The following REL variants were observed in gnomAD, a reference collection of about 807,000 sequenced individuals.
REL encodes proto-oncogene c-Rel.
REL carries 15 observed loss-of-function variants against 45.9 expected under a neutral mutation model. The observed-to-expected ratio is 0.33, with a 90% confidence interval of 0.22 to 0.50. The LOEUF (loss-of-function observed/expected upper bound fraction) is 0.50, where lower values mean the gene tolerates loss of function less well. Among genes scored for constraint, REL ranks in the 20% least tolerant of loss-of-function variants. The probability of loss-of-function intolerance (pLI) is 0.98; values close to 1 mark genes in which losing one functional copy is unlikely to be tolerated. For synonymous variants in REL, 239 were observed against 242.1 expected, an observed-to-expected ratio of 0.99 and a Z score of 0.12; for missense variants, 601 against 715.2, an observed-to-expected ratio of 0.84 and a Z score of 1.82.
At chr2:60,888,226 G>A (rs1673118294) in intron 1 of REL, among the ~76,000 whole-genome samples, 2 of 152,068 alleles carry the variant, frequency 1.3e-5, no homozygotes, top group African/African-American at 4.8e-5. Flanking sequence ...ACCATGCCCA[G>A]CCTCAGTGAA....
At chr2:60,904,063 T>C (rs1198879590) in intron 4 of REL, among the ~76,000 whole-genome samples, 3 of 152,000 alleles carry the variant, frequency 2.0e-5, no homozygotes, top group Non-Finnish European at 4.4e-5. Flanking sequence ...TTAATCCTTA[T>C]AACAGCCTAC....
chr2:60,905,183 C>T (rs996863115), intron 4 of REL, among the ~76,000 whole-genome samples: 11 of 152,222 alleles, frequency 7.2e-5, no homozygotes, highest in Admixed American at 3.9e-4. Flanking sequence ...CAAGCTCCGC[C>T]TCCCGGGTTC....
intron 1 of REL, among the ~76,000 whole-genome samples, chr2:60,883,793 T>C (rs1270521977): frequency 2.0e-5 from 3 of 151,830 alleles, no homozygotes; most frequent in African/African-American, 7.3e-5. Context: ...AAGGAGGAAA[T>C]GTTTAAAGAA....
intron 2 of REL, 48 bp downstream of exon 2, chr2:60,891,873 T>C (rs1673224762): frequency 1.3e-6 from 2 of 1,508,086 alleles, no homozygotes; most frequent in Non-Finnish European, 1.8e-6. Context: ...TTGCTTCATA[T>C]ACTAGCTATA....
In REL at chr2:60,922,283, C is replaced by G. The variant is rs779461916; in HGVS notation, c.1512C>G (p.Leu504=). ...TAGACCCAAGAGACTTGAGACAGCT[C>G]CATCAGATGTCCTCTTCCAGTATGT... ...SVLDPRDLRQ[L]HQMSSSSMSA... The change falls in exon 10 of 10, where the codon CTC becomes CTG. Residue 504 remains leucine (L), a synonymous_variant. Transcript: ENST00000394479. 3.7e-6 allele frequency: 6 copies of G among 1,613,998 alleles called. No homozygotes were observed. Among genetic ancestry groups the G allele is most frequent in the Non-Finnish European group, 4.2e-6 (5 of 1,180,002 alleles).
chr2:60,903,554 G>A (rs1673555803), intron 4 of REL, among the ~76,000 whole-genome samples: 1 of 150,218 alleles, frequency 6.7e-6, no homozygotes, highest in Non-Finnish European at 1.5e-5. Flanking sequence ...TTTTTTTTGA[G>A]ACAGAGTCTC....
intron 4 of REL, among the ~76,000 whole-genome samples, chr2:60,906,256 GAC>G (rs1408496613): frequency 2.0e-5 from 3 of 152,316 alleles, no homozygotes; most frequent in African/African-American, 7.2e-5. Flanking sequence ...TTTGGGTGGA[GAC>G]ACAGAGCCAA....
chr2:60,919,943 GA>G (rs1218908907), intron 7 of REL, 97 bp from the exon 8 acceptor site: 1 of 747,064 alleles, frequency 1.3e-6, no homozygotes. Context: ...CATATTTATT[GA>G]AAACATTTTC....
chr2:60,887,776 A>G (rs1323623439), intron 1 of REL, among the ~76,000 whole-genome samples: 1 of 151,620 alleles, frequency 6.6e-6, no homozygotes, highest in Non-Finnish European at 1.5e-5. Context: ...TAAATACTCA[A>G]TATTATATGA....
Position 60,923,919 on chromosome 2 carries a change from G to A in REL, c.*1384G>A, listed in dbSNP as rs1674208084. On this transcript the variant is annotated 3_prime_UTR_variant, in exon 10 of 10. Coordinates refer to ENST00000394479, the MANE Select transcript of REL (RefSeq NM_001291746.2). ...ATTCATTGGCTTCTCATCTCACTCA[G>A]AGCAGTCAAAGTCCTTAAAAGTTGC... 4.3e-6 allele frequency: 1 copy of A among 232,718 alleles called. No homozygotes were observed. The highest frequency in any genetic ancestry group is 8.5e-6 in the Non-Finnish European group (1 of 117,834). The allele number at this position is 232,718 out of a possible 1,614,324, so 14.4% of individuals were successfully genotyped here.
intron 4 of REL, among the ~76,000 whole-genome samples, chr2:60,910,164 A>G (rs909029416): frequency 4.0e-5 from 6 of 151,572 alleles, no homozygotes; most frequent in Non-Finnish European, 8.8e-5. Flanking sequence ...TAGATTAAAC[A>G]TTTAACATAA....
chr2:60,897,342 C>G (rs1209408894), intron 3 of REL, among the ~76,000 whole-genome samples: 1 of 147,324 alleles, frequency 6.8e-6, no homozygotes. Context: ...GAGCCTTGCT[C>G]TGTTGCCCAG....
chr2:60,912,534 A>G (rs1469683378), intron 4 of REL, among the ~76,000 whole-genome samples: 1 of 152,198 alleles, frequency 6.6e-6, no homozygotes, highest in Non-Finnish European at 1.5e-5. Flanking sequence ...CTTACTGTGT[A>G]TATAAGCAGA....
intron 4 of REL, among the ~76,000 whole-genome samples, chr2:60,909,840 T>G (rs1480314516): frequency 6.6e-6 from 1 of 151,624 alleles, no homozygotes; most frequent in Non-Finnish European, 1.5e-5. Context: ...GAGGCGGGGG[T>G]TGCAGTCAGC....
At position 60,891,790 on chromosome 2, in the gene REL, A is replaced by G. The variant is rs1673222296; in HGVS notation, c.118A>G (p.Ser40Gly). Reference sequence around the variant, plus strand: ...AGCAGGCAGCATTCCAGGGGAGCACAGCACAGACAACAACCGAACATACCC... The same window carrying G: ...AGCAGGCAGCATTCCAGGGGAGCACGGCACAGACAACAACCGAACATACCC... The part of the protein sequence containing the change: ...RSAGSIPGEH[S>G]TDNNRTYPSI... Residue 40 changes from serine (S) to glycine (G), a missense_variant, in exon 2 of 10, where the codon AGC (serine) becomes GGC (glycine). Physicochemically the swap from Ser to Gly is moderately conservative, Grantham distance 56. Around this residue, in one of 4 missense-constraint regions of REL, gnomAD observed 241 missense variants for 347.0 expected, o/e 0.69. Transcript: ENST00000394479. 1 of 1,614,098 alleles carries G rather than the reference A, an allele frequency of 6.2e-7. No homozygotes were observed. The highest frequency in any genetic ancestry group is 8.5e-7 in the Non-Finnish European group (1 of 1,179,980).
At chr2:60,908,550 G>A (rs1673723515) in intron 4 of REL, among the ~76,000 whole-genome samples, 1 of 152,144 alleles carries the variant, frequency 6.6e-6, no homozygotes, top group South Asian at 2.1e-4. Context: ...TGTTTACTTA[G>A]CTAGAACAAG....
chr2:60,919,560 G>T (rs921195027), intron 7 of REL, among the ~76,000 whole-genome samples: 20 of 151,954 alleles, frequency 1.3e-4, no homozygotes, highest in Non-Finnish European at 2.5e-4. Flanking sequence ...CAGGTAGCTG[G>T]GACTACAGGC....
At chr2:60,899,033 G>A (rs1485262708) in intron 3 of REL, 1 of 152,038 alleles carries the variant, frequency 6.6e-6, no homozygotes, top group East Asian at 1.9e-4. Context: ...AGATTATTCA[G>A]ATGAAACAAA....
chr2:60,927,281 G>T lies in REL; in HGVS notation c.*4746G>T, dbSNP rs1375947279. 4.3e-6 allele frequency: 1 copy of T among 230,098 alleles called. No homozygotes were observed. Among genetic ancestry groups the T allele is most frequent in the Non-Finnish European group, 8.6e-6 (1 of 116,034 alleles). 14.3% of individuals were successfully genotyped at this position (230,098 alleles called of 1,614,324 possible). A position where few individuals can be genotyped will look rare whatever the true frequency, so the allele number is the denominator to read the frequency against. The stretch of plus-strand genomic sequence containing the variant: ...ATGGAAATGATTTTTAAAGGGAAAG[G>T]TAATGATTTTCTGGCAGGAAAAGCA... On this transcript the variant is annotated 3_prime_UTR_variant, in exon 10 of 10. Coordinates refer to ENST00000394479, the MANE Select transcript of REL (RefSeq NM_001291746.2).
Sources: gnomAD v4.1 joint callset for allele counts (sites outside exome capture counted in the v4.1 genomes callset) on GRCh38, gnomAD v4.1.1 for gene constraint, gnomAD v4.1.1 regional missense constraint, MANE v1.5 for transcripts, NCBI Gene and HGNC (gene_info 2026-07-23, HGNC 2026-07-21) for gene names.